Variants in IGF2BP2 observed in about 807,000 individuals in gnomAD.
IGF2BP2 encodes the protein insulin like growth factor 2 mRNA binding protein 2.
A neutral mutation model predicts 75.8 loss-of-function variants in IGF2BP2; 17 were observed. The ratio of observed to expected loss-of-function variants is 0.22; its 90% CI spans 0.15 to 0.34. IGF2BP2 has a LOEUF of 0.34. Ranked by LOEUF, IGF2BP2 falls within the 10% of genes least tolerant of loss-of-function variation. The pLI is 1.00. For synonymous variants in IGF2BP2, 288 were observed against 295.6 expected (o/e 0.97, Z 0.26); for missense variants, 516 against 772.4 (o/e 0.67, Z 3.93).
At position 185,720,452 on chromosome 3, in the gene IGF2BP2, C is replaced by G. The variant is rs540146880; in HGVS notation, c.240-22105G>C. On this transcript the variant is annotated intron_variant, in intron 2 of 15. Transcript: ENST00000382199. ...TGCGCCCGGCCCCTTTGGGAGCCAC[C>G]GCGCCCGGCCCCCAAAGCCTATTTA... Among the ~76,000 whole-genome samples the G allele has an allele frequency of 2.8e-3, 429 of 152,126 alleles. 6 individuals are homozygous for G. In the East Asian group the frequency reaches 0.032, roughly 12 times the overall value.
intron 2 of IGF2BP2, among the ~76,000 whole-genome samples, chr3:185,703,590 T>C (rs766526044): frequency 1.3e-5 from 2 of 151,240 alleles, no homozygotes; most frequent in Non-Finnish European, 2.9e-5. Flanking sequence ...GCCAACATGG[T>C]GAAACCCTAT....
At chr3:185,723,917 C>T (rs934783790) in intron 2 of IGF2BP2, among the ~76,000 whole-genome samples, 4 of 152,164 alleles carry the variant, frequency 2.6e-5, no homozygotes, top group African/African-American at 9.7e-5. Context: ...CACCATCGAG[C>T]AAAGTTGGGA....
rs149221948 is a variant in IGF2BP2 at position 185,755,618 on chromosome 3, C to A, written c.240-57271G>T. ...GGGAAGCCACGAGGGCAGGGCTGCC[C>A]AAGGCCTTGGGAGTCCACCTTTCAA... On this transcript the variant is annotated intron_variant, in intron 2 of 15. Transcript: ENST00000382199. 3.9e-4 allele frequency among the ~76,000 whole-genome samples: 59 copies of A among 152,326 alleles called. 1 individual carries two copies. In the East Asian group the frequency reaches 0.011, roughly 30 times the overall value.
rs537937990 is a variant in IGF2BP2 at position 185,666,491 on chromosome 3, G to A, written c.1200+6050C>T. Reference sequence around the variant, plus strand: ...TCTACTAAAAATACAAAAATTAGCCGAACGTGGTGGTGGGCATCTGTAATC... The same window carrying A: ...TCTACTAAAAATACAAAAATTAGCCAAACGTGGTGGTGGGCATCTGTAATC... On this transcript the variant is annotated intron_variant, in intron 10 of 15. Coordinates refer to ENST00000382199, the MANE Select transcript of IGF2BP2 (RefSeq NM_006548.6). Among the ~76,000 whole-genome samples, 127 of 152,190 alleles carry A rather than the reference G, an allele frequency of 8.3e-4. 1 individual carries two copies. The highest frequency in any genetic ancestry group is 2.8e-3 in the African/African-American group (116 of 41,524).
At chr3:185,780,858 G>A (rs769086886) in intron 2 of IGF2BP2, among the ~76,000 whole-genome samples, 23 of 152,060 alleles carry the variant, frequency 1.5e-4, no homozygotes, top group African/African-American at 2.9e-4. Flanking sequence ...ATATGTCTAC[G>A]GACTATCTAA....
chr3:185,752,348 A>T (rs1382798493), intron 2 of IGF2BP2, among the ~76,000 whole-genome samples: 2 of 152,162 alleles, frequency 1.3e-5, no homozygotes, highest in South Asian at 4.1e-4. Context: ...TTGTGAACAG[A>T]CTTTCTTAAT....
chr3:185,698,132 C>T (rs1018832366), intron 3 of IGF2BP2, among the ~76,000 whole-genome samples, 167 bp downstream of exon 3: 5 of 152,108 alleles, frequency 3.3e-5, no homozygotes, highest in Non-Finnish European at 5.9e-5. Flanking sequence ...GAAACAAATA[C>T]GACCCCAAAC....
intron 2 of IGF2BP2, chr3:185,728,528 A>G (rs1057152728): frequency 4.6e-5 from 7 of 152,258 alleles, no homozygotes. Context: ...CAAGGCAAGC[A>G]GGGCTTTGGC....
At chr3:185,705,565 GA>G (rs11350184) in intron 2 of IGF2BP2, among the ~76,000 whole-genome samples, 60,109 of 147,918 alleles carry the variant, frequency 0.41, 12,111 homozygotes, top group Middle Eastern at 0.48. Context: ...AATGAAACAG[GA>G]AAAAAAAAAA....
chr3:185,791,478 G>C (rs1009961054), intron 2 of IGF2BP2, among the ~76,000 whole-genome samples: 1 of 152,184 alleles, frequency 6.6e-6, no homozygotes, highest in Admixed American at 6.5e-5. Flanking sequence ...GAAAGTAAAA[G>C]TTTTTCTTTC....
At chr3:185,716,738 T>C (rs751026672) in intron 2 of IGF2BP2, 18 of 519,934 alleles carry the variant, frequency 3.5e-5, no homozygotes, top group Non-Finnish European at 6.5e-5. Flanking sequence ...CAGCGCTGGC[T>C]GGTCATCAGA....
intron 2 of IGF2BP2, chr3:185,716,595 T>C: frequency 1.9e-6 from 1 of 520,088 alleles, no homozygotes; most frequent in South Asian, 1.4e-5. Context: ...GTAAGGAATT[T>C]ACCTCCTACT....
intron 2 of IGF2BP2, among the ~76,000 whole-genome samples, chr3:185,778,695 AG>A (rs1349594344): frequency 1.3e-5 from 2 of 152,216 alleles, no homozygotes; most frequent in Non-Finnish European, 2.9e-5. Flanking sequence ...CATGAACCCA[AG>A]ACAGGTCATT....
At chr3:185,729,582 A>G (rs970199704) in intron 2 of IGF2BP2, 4 of 152,192 alleles carry the variant, frequency 2.6e-5, no homozygotes, top group African/African-American at 7.2e-5. Flanking sequence ...GTGACTCAAT[A>G]TTTTCCAAAT....
intron 10 of IGF2BP2, among the ~76,000 whole-genome samples, chr3:185,666,454 T>C (rs1434779415): frequency 6.6e-6 from 1 of 152,048 alleles, no homozygotes; most frequent in Non-Finnish European, 1.5e-5. Context: ...GGTAACATGG[T>C]GAAACCCCGT....
intron 2 of IGF2BP2, among the ~76,000 whole-genome samples, chr3:185,714,269 G>T (rs1351361919): frequency 6.6e-6 from 1 of 151,770 alleles, no homozygotes; most frequent in Non-Finnish European, 1.5e-5. Context: ...TCAGTTTTAT[G>T]AATGTACCAT....
intron 2 of IGF2BP2, among the ~76,000 whole-genome samples, chr3:185,762,447 C>T (rs1223015530): frequency 6.8e-6 from 1 of 147,162 alleles, no homozygotes; most frequent in Admixed American, 6.8e-5. Context: ...GCAGGAGAAT[C>T]GCTTGAACCT....
At chr3:185,720,202 C>A (rs1049662135) in intron 2 of IGF2BP2, among the ~76,000 whole-genome samples, 5 of 152,128 alleles carry the variant, frequency 3.3e-5, no homozygotes, top group Non-Finnish European at 5.9e-5. Context: ...AGTGAGAGCA[C>A]TAGAATAACA....
At chr3:185,735,582 T>C (rs1481362443) in intron 2 of IGF2BP2, among the ~76,000 whole-genome samples, 1 of 152,208 alleles carries the variant, frequency 6.6e-6, no homozygotes, top group Non-Finnish European at 1.5e-5. Context: ...GTCAGTCTCA[T>C]GCCAAGTCCT....
Sources: allele counts gnomAD v4.1 joint callset (sites outside exome capture counted in the v4.1 genomes callset), GRCh38; gene constraint gnomAD v4.1.1; transcripts MANE v1.5; gene names NCBI Gene and HGNC (gene_info 2026-07-23, HGNC 2026-07-21).